TAF1: variants seen among roughly 807,000 people sequenced by gnomAD.
TAF1 encodes the protein TATA-box binding protein associated factor 1.
TAF1 carries 2 observed loss-of-function variants against 138.5 expected under a neutral mutation model. That is an observed-to-expected ratio of 0.01 (90% CI 0.01 to 0.05). The LOEUF is 0.05. Ranked by LOEUF, TAF1 falls within the 10% of genes least tolerant of loss-of-function variation. The pLI is 1.00. For missense variants in TAF1, 709 were observed against 1,478.0 expected (o/e 0.48, Z 8.53); for synonymous variants, 437 against 503.2 (o/e 0.87, Z 1.76).
At chrX:71,460,840 A>G in intron 37 of TAF1, 37 bp downstream of exon 37, 1 of 1,168,707 alleles carries the variant, frequency 8.6e-7, no homozygotes, top group Middle Eastern at 2.3e-4. Flanking sequence ...CTGTGGCATC[A>G]GTGCCCAGCT....
downstream of TAF1, among the ~76,000 whole-genome samples, chrX:71,467,260 C>G (rs989662497): frequency 2.8e-5 from 3 of 109,002 alleles, no homozygotes; most frequent in African/African-American, 1.0e-4. Context: ...TGTTTGTGTC[C>G]CTGGGTACTT....
At position 71,375,341 on chromosome X, in the gene TAF1, A is replaced by G; in HGVS notation, c.472+55A>G. Reference sequence around the variant, plus strand: ...GGAGCAAGTTTTCATTCCTAAGTCCAGGCTTGTGGCACACACATAAGGGAC... The same window carrying G: ...GGAGCAAGTTTTCATTCCTAAGTCCGGGCTTGTGGCACACACATAAGGGAC... On this transcript the variant is annotated intron_variant, in intron 4 of 37. Coordinates refer to ENST00000423759, the MANE Select transcript of TAF1 (RefSeq NM_004606.5). The G allele has an allele frequency of 3.4e-6, 4 of 1,175,263 alleles. No homozygotes were observed. In the East Asian group the frequency reaches 1.2e-4, roughly 36 times the overall value.
intron 4 of TAF1, among the ~76,000 whole-genome samples, chrX:71,376,708 A>G (rs1441246805): frequency 3.6e-5 from 4 of 109,938 alleles, no homozygotes; most frequent in African/African-American, 1.3e-4. Context: ...TAGTAAATGT[A>G]GTAATAGTGT....
At chrX:71,369,584 A>G (rs1355499488) in intron 3 of TAF1, among the ~76,000 whole-genome samples, 1 of 110,418 alleles carries the variant, frequency 9.1e-6, no homozygotes, top group Admixed American at 9.7e-5. Context: ...TATGTACTCT[A>G]AACTGATAGG....
chrX:71,455,069 T>A (rs1024610881), intron 34 of TAF1: 3 of 1,146,204 alleles, frequency 2.6e-6, no homozygotes, highest in Non-Finnish European at 3.5e-6. Context: ...AGCTGTGGGA[T>A]GAATGAATGG....
intron 32 of TAF1, among the ~76,000 whole-genome samples, chrX:71,426,724 AAAAAC>A (rs1362955934): frequency 4.5e-5 from 5 of 110,225 alleles, no homozygotes; most frequent in Non-Finnish European, 7.6e-5. Flanking sequence ...TCAAAAAAAA[AAAAAC>A]AAAGAGACAG....
Position 71,366,502 on chromosome X carries a change from GGTGGGCGTGGGGGTAGGGCTCGGGGGGT to G in TAF1, c.120+10_120+37del. ...GAAAGCGTCTTGGATGATGTGAGGG[GGTGGGCGTGGGGGTAGGGCTCGGGGGGT>G]GGGGCTAAGCAGAGGAAGGAGGTGC... On this transcript the variant is annotated intron_variant, in intron 1 of 37. Coordinates refer to ENST00000423759, the MANE Select transcript of TAF1 (RefSeq NM_004606.5). 3 of 1,112,967 alleles carry G rather than the reference GGTGGGCGTGGGGGTAGGGCTCGGGGGGT, an allele frequency of 2.7e-6. No individual in the cohort carries two copies. The highest frequency in any genetic ancestry group is 2.8e-5 in the Admixed American group (1 of 35,555). 91.7% of individuals were successfully genotyped at this position (1,112,967 alleles called of 1,213,427 possible). A position where few individuals can be genotyped will look rare whatever the true frequency, so the allele number is the denominator to read the frequency against.
intron 32 of TAF1, among the ~76,000 whole-genome samples, chrX:71,430,030 G>A (rs1255688734): frequency 8.9e-6 from 1 of 111,834 alleles, no homozygotes; most frequent in African/African-American, 3.2e-5. Context: ...AGCATTGCTT[G>A]TAATTGCAAA....
exon 15 of TAF1, chrX:71,530,305 T>G (rs1279597895): frequency 8.9e-6 from 1 of 111,932 alleles, no homozygotes; most frequent in Non-Finnish European, 1.9e-5. Flanking sequence ...CTGGAGAGCC[T>G]GTGCGGCTGC....
chrX:71,396,249 T>A (rs2034840309), intron 22 of TAF1, among the ~76,000 whole-genome samples: 1 of 109,391 alleles, frequency 9.1e-6, no homozygotes, highest in Admixed American at 9.9e-5. Flanking sequence ...ACTCGGAACT[T>A]GTTTTTTGTA....
At chrX:71,491,160 G>C (rs931362349) in intron 13 of TAF1, 5 of 106,498 alleles carry the variant, frequency 4.7e-5, no homozygotes, top group Non-Finnish European at 7.7e-5. Flanking sequence ...ACTGCACTCC[G>C]ATCAGCCAGC....
intron 13 of TAF1, chrX:71,528,020 AT>A: frequency 5.7e-6 from 1 of 174,720 alleles, no homozygotes; most frequent in South Asian, 1.1e-4. Flanking sequence ...AAAAAACTCT[AT>A]TTTCCAGAGT....
chrX:71,375,864 T>TA (rs772829589), intron 4 of TAF1, among the ~76,000 whole-genome samples: 22 of 112,758 alleles, frequency 2.0e-4, no homozygotes, highest in Non-Finnish European at 3.0e-4. Context: ...CCGGGAATCT[T>TA]AAAGAGTTTC....
intron 13 of TAF1, among the ~76,000 whole-genome samples, chrX:71,502,721 T>G (rs1003393783): frequency 3.6e-5 from 4 of 112,046 alleles, no homozygotes; most frequent in African/African-American, 1.3e-4. Context: ...GCAGATCTCC[T>G]GCGGCCAGGA....
intron 24 of TAF1, among the ~76,000 whole-genome samples, chrX:71,400,895 A>G (rs1243551889): frequency 8.9e-6 from 1 of 112,133 alleles, no homozygotes; most frequent in African/African-American, 3.2e-5. Flanking sequence ...ACTGAGGTCT[A>G]GGATACCAGA....
chrX:71,437,655 AAAAAAAAAG>A (rs1446482693), intron 32 of TAF1, among the ~76,000 whole-genome samples: 3 of 108,397 alleles, frequency 2.8e-5, no homozygotes, highest in Non-Finnish European at 5.7e-5. Flanking sequence ...TCTCCAAAAA[AAAAAAAAAG>A]AAAAAGAGAA....
intron 13 of TAF1, among the ~76,000 whole-genome samples, chrX:71,500,682 C>A (rs887399169): frequency 4.5e-5 from 5 of 110,558 alleles, no homozygotes; most frequent in African/African-American, 1.3e-4. Flanking sequence ...ATTTAGTGGA[C>A]CTTACCGACG....
chrX:71,420,784 C>T (rs763458019), intron 28 of TAF1, among the ~76,000 whole-genome samples: 12 of 112,895 alleles, frequency 1.1e-4, no homozygotes, highest in African/African-American at 3.9e-4. Flanking sequence ...AGGGCGGCTC[C>T]TCTTCAGGCT....
chrX:71,508,086 C>CTCTCTCTCTCTCTATATATATA (rs4040068), intron 13 of TAF1, among the ~76,000 whole-genome samples: 34 of 92,154 alleles, frequency 3.7e-4, no homozygotes, highest in African/African-American at 1.3e-3. Context: ...CTCTCTCTCT[C>CTCTCTCTCTCTCTATATATATA]TATATATATA....
Sources: allele counts gnomAD v4.1 joint callset (sites outside exome capture counted in the v4.1 genomes callset), GRCh38; gene constraint gnomAD v4.1.1; transcripts MANE v1.5; gene names NCBI Gene and HGNC (gene_info 2026-07-23, HGNC 2026-07-21).